COBLL1: variants seen among roughly 807,000 people sequenced by gnomAD.
The protein encoded by COBLL1 is cordon-bleu protein-like 1.
Under a neutral mutation model 94.8 loss-of-function variants are expected in COBLL1, and 50 were observed. The observed-to-expected ratio is 0.53, with a 90% CI of 0.42 to 0.67. COBLL1 has a LOEUF of 0.67. COBLL1 is among the 30% of genes least tolerant of loss of function. The pLI, the probability that COBLL1 is intolerant of heterozygous loss-of-function variation, is 0.00. For synonymous variants in COBLL1, 448 were observed against 473.8 expected, an observed-to-expected ratio of 0.95 and a Z score of 0.71; for missense variants, 1,362 against 1,348.7, an observed-to-expected ratio of 1.01 and a Z score of -0.15.
At chr2:164,835,410 G>T (rs866268707) in intron 2 of COBLL1, among the ~76,000 whole-genome samples, 1 of 152,166 alleles carries the variant, frequency 6.6e-6, no homozygotes, top group African/African-American at 2.4e-5. Flanking sequence ...AAAAAAGACA[G>T]ACTTTGATCT....
intron 7 of COBLL1, among the ~76,000 whole-genome samples, chr2:164,711,981 C>T (rs917682838): frequency 2.0e-5 from 3 of 152,052 alleles, no homozygotes; most frequent in Non-Finnish European, 2.9e-5. Flanking sequence ...AAGGAAAATA[C>T]CACAAGGAGA....
chr2:164,811,401 G>C, intron 2 of COBLL1, among the ~76,000 whole-genome samples: 1 of 151,880 alleles, frequency 6.6e-6, no homozygotes, highest in Middle Eastern at 3.2e-3. Context: ...ATTAAAAATT[G>C]TAAAGCACTG....
Position 164,729,270 on chromosome 2 carries a change from ATATAT to A in COBLL1, c.432+639_432+643del, listed in dbSNP as rs1157854163. ...ATCAATTTAATATACAAACTTTTATATATATTATAAAATGAAAATGGTTGATGTTC... is the reference window on the plus strand; with the variant it reads ...ATCAATTTAATATACAAACTTTTATATATAAAATGAAAATGGTTGATGTTC... On this transcript the variant is annotated intron_variant, in intron 4 of 13. Transcript: ENST00000652658. Among the ~76,000 whole-genome samples the A allele has an allele frequency of 4.0e-5, 6 of 151,796 alleles. No individual in the cohort carries two copies. In the South Asian group the frequency reaches 6.2e-4, roughly 16 times the overall value.
At position 164,740,199 on chromosome 2, in the gene COBLL1, C is replaced by CA. The variant is rs527490549; in HGVS notation, c.230+3487dup. Among the ~76,000 whole-genome samples, 106 of 152,098 alleles carry CA rather than the reference C, an allele frequency of 7.0e-4. 1 individual carries two copies. Among genetic ancestry groups the CA allele is most frequent in the South Asian group, 4.6e-3 (22 of 4,824 alleles). ...GCAACATGGGGAAATCCCATCTCTA[C>CA]AAAAAATACAAGAATTAGCTGGGCA... On this transcript the variant is annotated intron_variant, in intron 3 of 13. Coordinates refer to ENST00000652658, the MANE Select transcript of COBLL1 (RefSeq NM_001365672.2).
At chr2:164,729,012 A>G (rs191728332) in intron 4 of COBLL1, among the ~76,000 whole-genome samples, 352 of 152,068 alleles carry the variant, frequency 2.3e-3, no homozygotes, top group Non-Finnish European at 3.7e-3. Flanking sequence ...ACGCTATAGC[A>G]TAAATATAAC....
intron 1 of COBLL1, among the ~76,000 whole-genome samples, chr2:164,671,427 T>G (rs1383191572): frequency 6.6e-6 from 1 of 152,148 alleles, no homozygotes; most frequent in Non-Finnish European, 1.5e-5. Context: ...TAGCAGTTCA[T>G]AACAGATTTT....
Position 164,805,337 on chromosome 2 carries a change from C to CTCTCTATATATATA in COBLL1, c.41+35818_41+35819insTATATATATAGAGA, listed in dbSNP as rs758137553. Among the ~76,000 whole-genome samples, 11 of 17,054 alleles carry CTCTCTATATATATA rather than the reference C, an allele frequency of 6.5e-4. 1 individual carries two copies. The highest frequency in any genetic ancestry group is 2.2e-3 in the East Asian group (2 of 924). 11.2% of individuals were successfully genotyped at this position (17,054 alleles called of 152,430 possible). A position where few individuals can be genotyped will look rare whatever the true frequency, so the allele number is the denominator to read the frequency against. ...TCTCTCTCTCTCTCTCTCTCTCTCT[C>CTCTCTATATATATA]TATATATATATATATATATATATAT... On this transcript the variant is annotated intron_variant, in intron 2 of 13. Coordinates refer to ENST00000652658, the MANE Select transcript of COBLL1 (RefSeq NM_001365672.2).
At chr2:164,799,512 T>C (rs1396186547) in intron 2 of COBLL1, among the ~76,000 whole-genome samples, 3 of 152,192 alleles carry the variant, frequency 2.0e-5, no homozygotes, top group African/African-American at 7.2e-5. Flanking sequence ...GAAGACTCAG[T>C]ACAGTGAAGA....
At chr2:164,808,025 C>T (rs907047475) in intron 2 of COBLL1, among the ~76,000 whole-genome samples, 1 of 151,974 alleles carries the variant, frequency 6.6e-6, no homozygotes, top group African/African-American at 2.4e-5. Flanking sequence ...TCACCATGTT[C>T]ACCAGGCTGG....
chr2:164,806,373 TC>T (rs1684156647), intron 2 of COBLL1, among the ~76,000 whole-genome samples: 1 of 152,222 alleles, frequency 6.6e-6, no homozygotes, highest in Admixed American at 6.5e-5. Flanking sequence ...ATTCTTGAAC[TC>T]CTGCAATAAT....
chr2:164,703,031 A>G, intron 9 of COBLL1: 1 of 835,892 alleles, frequency 1.2e-6, no homozygotes, highest in South Asian at 1.6e-5. Context: ...TCAATAGCTC[A>G]TCAAATTTAC....
chr2:164,700,751 T>C lies in COBLL1; in HGVS notation c.1231A>G (p.Ile411Val). ...TCTTCAAGGCTATAATCAGAGCTTA[T>C]TCCAGCTACAAAGAAATGCAGATAT... is the stretch of plus-strand genomic sequence containing the variant. ...SPEELSSPAGISSDYSLEEID... is the reference protein window; with the variant it reads ...SPEELSSPAGVSSDYSLEEID... Residue 411 changes from isoleucine (I) to valine (V), a missense_variant, in exon 10 of 14, where the codon ATA (isoleucine) becomes GTA (valine). Ile to Val is a conservative substitution (Grantham distance 29, BLOSUM62 3). Transcript: ENST00000652658. The C allele has an allele frequency of 6.3e-7, 1 of 1,578,328 alleles. No individual in the cohort carries two copies.
Position 164,722,327 on chromosome 2 carries a change from A to G in COBLL1, c.760-16T>C, listed in dbSNP as rs1226089810. The G allele has an allele frequency of 3.1e-6, 5 of 1,599,608 alleles. No individual in the cohort carries two copies. Among genetic ancestry groups the G allele is most frequent in the Non-Finnish European group, 4.3e-6 (5 of 1,169,904 alleles). On this transcript the variant is annotated splice_polypyrimidine_tract_variant and intron_variant, in intron 6 of 13. Coordinates refer to ENST00000652658, the MANE Select transcript of COBLL1 (RefSeq NM_001365672.2). Reference sequence around the variant, plus strand: ...CACTTGCAGTCTAGTAAAGAATGACAAAGACAAAATCTAGTAATTTCAAGA... The same window carrying G: ...CACTTGCAGTCTAGTAAAGAATGACGAAGACAAAATCTAGTAATTTCAAGA...
Position 164,694,432 on chromosome 2 carries a change from G to T in COBLL1, c.2960C>A (p.Pro987Gln). ...PRPYSSSGPS[P>Q]FALAVVKRSQ... ...CCTTTTCACTACAGCAAGAGCAAACGGTGAAGGACCAGAACTTGAGTATGG... is the reference window on the plus strand; with the variant it reads ...CCTTTTCACTACAGCAAGAGCAAACTGTGAAGGACCAGAACTTGAGTATGG... The change falls in exon 12 of 14, where the codon CCG becomes CAG. Residue 987 changes from proline (P) to glutamine (Q), a missense_variant. Transcript: ENST00000652658. 6.2e-7 allele frequency: 1 copy of T among 1,613,898 alleles called. No homozygotes were observed. The highest frequency in any genetic ancestry group is 8.5e-7 in the Non-Finnish European group (1 of 1,179,904).
chr2:164,659,427 G>A (rs1257494349), intron 2 of COBLL1, among the ~76,000 whole-genome samples: 5 of 152,174 alleles, frequency 3.3e-5, no homozygotes, highest in Admixed American at 6.5e-5. Flanking sequence ...TCATTGTCTG[G>A]AAGAAATGTG....
intron 7 of COBLL1, chr2:164,718,173 A>T (rs1199676156): frequency 1.8e-5 from 13 of 737,500 alleles, no homozygotes; most frequent in Non-Finnish European, 2.2e-5. Flanking sequence ...GCAGTGATTA[A>T]TGTTTACTTA....
chr2:164,774,865 C>CAAA (rs34127217), intron 2 of COBLL1, among the ~76,000 whole-genome samples: 1 of 130,184 alleles, frequency 7.7e-6, no homozygotes. Context: ...TCACTTTTTT[C>CAAA]AAAAAAAAAA....
chr2:164,705,698 T>C (rs558269655), intron 7 of COBLL1, among the ~76,000 whole-genome samples: 1 of 152,120 alleles, frequency 6.6e-6, no homozygotes, highest in Admixed American at 6.5e-5. Flanking sequence ...TTACCAAGAA[T>C]GAATGAATGA....
chr2:164,797,696 T>C (rs1683540227), intron 2 of COBLL1, among the ~76,000 whole-genome samples: 1 of 152,234 alleles, frequency 6.6e-6, no homozygotes. Flanking sequence ...ATGGTGTTTT[T>C]TCTTTCTACA....
Sources: gnomAD v4.1 joint callset for allele counts (sites outside exome capture counted in the v4.1 genomes callset) on GRCh38, gnomAD v4.1.1 for gene constraint, MANE v1.5 for transcripts, NCBI Gene and HGNC (gene_info 2026-07-23, HGNC 2026-07-21) for gene names.